The following ARPP21 variants were observed in gnomAD, a reference collection of about 807,000 sequenced individuals.
ARPP21 encodes the protein cAMP regulated phosphoprotein 21, also known as cAMP-regulated phosphoprotein 21.
Under a neutral mutation model 113.2 loss-of-function variants are expected in ARPP21, and 69 were observed. That is an observed-to-expected ratio of 0.61 (90% confidence interval 0.50 to 0.74). ARPP21 has a LOEUF of 0.74. ARPP21 is among the 30% of genes least tolerant of loss of function. ARPP21 has a pLI of 0.00. For missense variants in ARPP21, 1,070 were observed against 1,037.4 expected (o/e 1.03, Z -0.43); for synonymous variants, 368 against 375.5 (o/e 0.98, Z 0.23).
chr3:35,673,312 T>C (rs1325528379), intron 1 of ARPP21, among the ~76,000 whole-genome samples: 1 of 152,054 alleles, frequency 6.6e-6, no homozygotes, highest in African/African-American at 2.4e-5. Context: ...ACAGATTCTA[T>C]ATGCTCACAT....
chr3:35,767,612 A>G (rs2096028514), intron 19 of ARPP21, among the ~76,000 whole-genome samples: 1 of 152,200 alleles, frequency 6.6e-6, no homozygotes, highest in Admixed American at 6.5e-5. Flanking sequence ...GTGTTTTCCT[A>G]TGTACATGGT....
At chr3:35,713,821 C>T (rs1450301847) in intron 11 of ARPP21, among the ~76,000 whole-genome samples, 1 of 152,148 alleles carries the variant, frequency 6.6e-6, no homozygotes, top group East Asian at 1.9e-4. Context: ...TTCCTTCAGA[C>T]AAATAGAGTC....
At chr3:35,776,465 T>TG (rs1251577958) in intron 19 of ARPP21, among the ~76,000 whole-genome samples, 3 of 152,110 alleles carry the variant, frequency 2.0e-5, no homozygotes, top group African/African-American at 7.2e-5. Flanking sequence ...GTCTTATCTT[T>TG]GATGCAATGA....
chr3:35,666,723 T>C (rs1341957365), intron 1 of ARPP21, among the ~76,000 whole-genome samples: 6 of 152,232 alleles, frequency 3.9e-5, no homozygotes, highest in Non-Finnish European at 8.8e-5. Flanking sequence ...TGGGTAATTA[T>C]ATTTCAACCA....
rs750246572 is a variant in ARPP21 at position 35,706,934 on chromosome 3, G to A, written c.687-40G>A. ...ACTAAAAAATAACTTTAAACAAGGG[G>A]GAAAAACTTTTTTATTGATATGTTT... On this transcript the variant is annotated intron_variant, in intron 9 of 20. Transcript: ENST00000684406. The A allele has an allele frequency of 3.5e-5, 53 of 1,508,218 alleles. No individual in the cohort carries two copies. The South Asian group carries it at 5.4e-4, about 15-fold the overall frequency. 93.4% of individuals were successfully genotyped at this position (1,508,218 alleles called of 1,614,324 possible).
intron 1 of ARPP21, among the ~76,000 whole-genome samples, chr3:35,664,025 C>T (rs1161261444): frequency 6.6e-6 from 1 of 152,116 alleles, no homozygotes; most frequent in African/African-American, 2.4e-5. Context: ...AAATTTTCAG[C>T]CCACTATAAA....
chr3:35,685,034 G>T, intron 5 of ARPP21: 2 of 984,942 alleles, frequency 2.0e-6, no homozygotes, highest in Non-Finnish European at 2.4e-6. Flanking sequence ...TTGATGGCTT[G>T]TAATGTACTG....
At chr3:35,786,371 A>C (rs2096633062) in intron 19 of ARPP21, among the ~76,000 whole-genome samples, 1 of 151,932 alleles carries the variant, frequency 6.6e-6, no homozygotes, top group African/African-American at 2.4e-5. Context: ...AAAATACAAA[A>C]ATTAGCTGGG....
intron 1 of ARPP21, among the ~76,000 whole-genome samples, chr3:35,657,670 G>A (rs1405677232): frequency 6.6e-6 from 1 of 152,030 alleles, no homozygotes; most frequent in Non-Finnish European, 1.5e-5. Context: ...CAGTCTTCAA[G>A]CCCTTGATGT....
rs1269352063 is a variant in ARPP21 at position 35,706,671 on chromosome 3, G to A, written c.687-303G>A. ...GTTATTTGAATTTAGGAGTAATAGA[G>A]GTCAAAATAACTAAAGAAAACATCT... On this transcript the variant is annotated intron_variant, in intron 9 of 20. Coordinates refer to ENST00000684406, the MANE Select transcript of ARPP21 (RefSeq NM_001385562.1). Among the ~76,000 whole-genome samples the A allele has an allele frequency of 2.0e-5, 3 of 152,140 alleles. No homozygotes were observed. In the East Asian group the frequency reaches 5.8e-4, roughly 29 times the overall value.
chr3:35,780,046 A>G lies in ARPP21; in HGVS notation c.2138-12336A>G, dbSNP rs568504073. The stretch of plus-strand genomic sequence containing the variant: ...ATTTTTTTACACTATTGTGATAATG[A>G]TAAATCATTCCCCCTCTGCACTGGC... On this transcript the variant is annotated intron_variant, in intron 19 of 20. Coordinates refer to ENST00000684406, the MANE Select transcript of ARPP21 (RefSeq NM_001385562.1). 8.5e-5 allele frequency among the ~76,000 whole-genome samples: 13 copies of G among 152,314 alleles called. No individual in the cohort carries two copies. In the South Asian group the frequency reaches 2.7e-3, roughly 32 times the overall value.
At chr3:35,710,304 G>C (rs944750070) in intron 11 of ARPP21, among the ~76,000 whole-genome samples, 3 of 152,094 alleles carry the variant, frequency 2.0e-5, no homozygotes, top group African/African-American at 7.2e-5. Context: ...ATTATGGTCA[G>C]AATTTTAGAT....
intron 19 of ARPP21, among the ~76,000 whole-genome samples, chr3:35,745,159 T>C (rs1401503329): frequency 1.3e-5 from 2 of 152,250 alleles, no homozygotes; most frequent in African/African-American, 2.4e-5. Context: ...ACTTTTACAG[T>C]GTTTTGAGAA....
In ARPP21 at chr3:35,794,348, A is replaced by G. The variant is rs1367062262; in HGVS notation, c.*390A>G. 1 of 200,592 alleles carries G rather than the reference A, an allele frequency of 5.0e-6. No individual in the cohort carries two copies. The highest frequency in any genetic ancestry group is 1.0e-5 in the Non-Finnish European group (1 of 96,998). 12.4% of individuals were successfully genotyped at this position (200,592 alleles called of 1,614,324 possible). A position where few individuals can be genotyped will look rare whatever the true frequency, so the allele number is the denominator to read the frequency against. On this transcript the variant is annotated 3_prime_UTR_variant, in exon 21 of 21. Coordinates refer to ENST00000684406, the MANE Select transcript of ARPP21 (RefSeq NM_001385562.1). ...TGTACCAAAGCTGTAATGGAAAAGC[A>G]AAGAAGAATTGATGAATTGAAGGAA...
chr3:35,748,314 G>C (rs774046680), intron 19 of ARPP21, among the ~76,000 whole-genome samples: 6 of 96,904 alleles, frequency 6.2e-5, no homozygotes, highest in Non-Finnish European at 1.3e-4. Flanking sequence ...AAGAAAGAAA[G>C]AAAGAAAAAG....
At chr3:35,720,461 G>A (rs1213826359) in intron 13 of ARPP21, among the ~76,000 whole-genome samples, 1 of 152,088 alleles carries the variant, frequency 6.6e-6, no homozygotes. Context: ...GTACATTATT[G>A]TCTTTAAAAT....
chr3:35,731,877 A>T (rs1017373637), intron 15 of ARPP21, among the ~76,000 whole-genome samples: 1 of 152,160 alleles, frequency 6.6e-6, no homozygotes, highest in African/African-American at 2.4e-5. Context: ...TTTGCTTCTC[A>T]TTTGAACTGC....
chr3:35,686,679 T>A (rs2080700732), intron 5 of ARPP21, among the ~76,000 whole-genome samples: 1 of 151,650 alleles, frequency 6.6e-6, no homozygotes, highest in Non-Finnish European at 1.5e-5. Flanking sequence ...TATTTTTTCC[T>A]ACATCATAAA....
At chr3:35,766,334 A>G (rs2095976448) in intron 19 of ARPP21, among the ~76,000 whole-genome samples, 2 of 152,158 alleles carry the variant, frequency 1.3e-5, no homozygotes, top group Non-Finnish European at 2.9e-5. Context: ...TGAATGCAGC[A>G]TGGAGGTGCC....
Sources: allele counts gnomAD v4.1 joint callset (sites outside exome capture counted in the v4.1 genomes callset), GRCh38; gene constraint gnomAD v4.1.1; transcripts MANE v1.5; gene names NCBI Gene and HGNC (gene_info 2026-07-23, HGNC 2026-07-21).